KCNB2: variants seen among roughly 807,000 people sequenced by gnomAD.
KCNB2 encodes delayed rectifier potassium channel protein.
A neutral mutation model predicts 61.5 loss-of-function variants in KCNB2; 15 were observed. That is an observed-to-expected ratio of 0.24 (90% CI 0.16 to 0.38). KCNB2 has a LOEUF of 0.38. Among genes scored for constraint, KCNB2 ranks in the 10% least tolerant of loss-of-function variants. KCNB2 has a pLI of 1.00. For synonymous variants in KCNB2, 457 were observed against 446.0 expected (o/e 1.02, Z -0.31); for missense variants, 828 against 1,125.2 (o/e 0.74, Z 3.78).
chr8:72,684,892 T>A (rs764978260), intron 2 of KCNB2, among the ~76,000 whole-genome samples: 3 of 152,220 alleles, frequency 2.0e-5, no homozygotes, highest in Non-Finnish European at 2.9e-5. Context: ...GTGTCAATTT[T>A]ATTGTGCTTC....
chr8:72,836,497 T>G (rs1360508914), intron 2 of KCNB2, among the ~76,000 whole-genome samples: 1 of 152,200 alleles, frequency 6.6e-6, no homozygotes, highest in Admixed American at 6.5e-5. Flanking sequence ...CATGGTTTCC[T>G]AGAAATGTAA....
At position 72,935,976 on chromosome 8, in the gene KCNB2, C is replaced by G; in HGVS notation, c.621C>G (p.Thr207=). The G allele has an allele frequency of 1.2e-6, 2 of 1,614,138 alleles. No individual in the cohort carries two copies. Among genetic ancestry groups the G allele is most frequent in the Non-Finnish European group, 1.7e-6 (2 of 1,180,002 alleles). The change falls in exon 3 of 3, where the codon ACC becomes ACG. Residue 207 remains threonine, a synonymous_variant. Transcript: ENST00000523207. ...CTATCCTGTTCATTGTGCTTTCCAC[C>G]ATTGCTTTGTCTCTCAATACGCTGC... ...IVSILFIVLS[T]IALSLNTLPE...
intron 2 of KCNB2, among the ~76,000 whole-genome samples, chr8:72,580,164 C>A (rs13256953): frequency 1.3e-5 from 2 of 151,982 alleles, no homozygotes; most frequent in Non-Finnish European, 1.5e-5. Flanking sequence ...AAAGCAACCA[C>A]GGGCACTATG....
At chr8:72,625,179 G>C (rs751062148) in intron 2 of KCNB2, among the ~76,000 whole-genome samples, 1 of 152,134 alleles carries the variant, frequency 6.6e-6, no homozygotes, top group Non-Finnish European at 1.5e-5. Context: ...TTAAGTCACT[G>C]AGTTTGTGGT....
At chr8:72,697,705 A>T (rs1285864924) in intron 2 of KCNB2, among the ~76,000 whole-genome samples, 1 of 152,126 alleles carries the variant, frequency 6.6e-6, no homozygotes, top group Non-Finnish European at 1.5e-5. Context: ...CAGAAAATTC[A>T]ATTTCAGAGA....
chr8:72,889,661 C>T (rs1401773090), intron 2 of KCNB2, among the ~76,000 whole-genome samples: 14 of 151,908 alleles, frequency 9.2e-5, no homozygotes, highest in East Asian at 3.9e-4. Flanking sequence ...CACTCCAGCC[C>T]GGGCAAGACA....
chr8:72,918,168 G>A (rs1157659683), intron 2 of KCNB2, among the ~76,000 whole-genome samples: 1 of 152,056 alleles, frequency 6.6e-6, no homozygotes, highest in Non-Finnish European at 1.5e-5. Flanking sequence ...CAAATCTGTG[G>A]TACCTGACAA....
At position 72,760,168 on chromosome 8, in the gene KCNB2, A is replaced by G. The variant is rs190995970; in HGVS notation, c.580-175767A>G. Among the ~76,000 whole-genome samples, 315 of 152,342 alleles carry G rather than the reference A, an allele frequency of 2.1e-3. 2 individuals carry two copies. Among genetic ancestry groups the G allele is most frequent in the African/African-American group, 7.3e-3 (305 of 41,584 alleles). On this transcript the variant is annotated intron_variant, in intron 2 of 2. Transcript: ENST00000523207. ...ATGGAAAGTCTACAGATTTGGAGCC[A>G]GATCAACCAAGGTGAACCTCAGCCT... is the stretch of plus-strand genomic sequence containing the variant.
intron 2 of KCNB2, among the ~76,000 whole-genome samples, chr8:72,809,587 A>G (rs1369873135): frequency 6.6e-6 from 1 of 152,176 alleles, no homozygotes; most frequent in African/African-American, 2.4e-5. Flanking sequence ...AGAGAAATAC[A>G]TCTTTAAAAC....
intron 2 of KCNB2, among the ~76,000 whole-genome samples, chr8:72,801,412 C>G (rs1809123727): frequency 6.6e-6 from 1 of 152,204 alleles, no homozygotes; most frequent in Non-Finnish European, 1.5e-5. Context: ...ATATTGTACC[C>G]ATTGTAGTTC....
chr8:72,587,184 G>A (rs1207231763), intron 2 of KCNB2, among the ~76,000 whole-genome samples: 3 of 152,072 alleles, frequency 2.0e-5, no homozygotes, highest in Non-Finnish European at 2.9e-5. Flanking sequence ...TCATCAAAGC[G>A]TGGCTGCTTC....
intron 2 of KCNB2, among the ~76,000 whole-genome samples, chr8:72,587,777 C>G (rs1454615521): frequency 6.6e-6 from 1 of 152,032 alleles, no homozygotes; most frequent in East Asian, 1.9e-4. Context: ...AACTCCATAA[C>G]AGGATGAAAC....
At chr8:72,768,035 A>G (rs1232766729) in intron 2 of KCNB2, among the ~76,000 whole-genome samples, 1 of 152,190 alleles carries the variant, frequency 6.6e-6, no homozygotes, top group Non-Finnish European at 1.5e-5. Flanking sequence ...AGTGTATTCA[A>G]ATCCTTTGCT....
At chr8:72,568,564 A>G (rs1011309544) in intron 2 of KCNB2, among the ~76,000 whole-genome samples, 1 of 152,204 alleles carries the variant, frequency 6.6e-6, no homozygotes, top group African/African-American at 2.4e-5. Context: ...AGAGGATGAA[A>G]GAGAGTCCTG....
chr8:72,840,507 A>G (rs1224122155), intron 2 of KCNB2, among the ~76,000 whole-genome samples: 1 of 152,226 alleles, frequency 6.6e-6, no homozygotes, highest in Non-Finnish European at 1.5e-5. Flanking sequence ...TGGTTGAACG[A>G]ATTTACTCTC....
At chr8:72,573,308 A>G (rs573940338) in intron 2 of KCNB2, among the ~76,000 whole-genome samples, 2 of 152,354 alleles carry the variant, frequency 1.3e-5, no homozygotes, top group African/African-American at 4.8e-5. Context: ...AGAATCATAA[A>G]TGATTTTCTT....
chr8:72,625,058 A>C (rs7002350), intron 2 of KCNB2, among the ~76,000 whole-genome samples: 2,243 of 152,318 alleles, frequency 0.015, 43 homozygotes, highest in African/African-American at 0.052. Flanking sequence ...CCCCAGCACC[A>C]ACCAACAGAC....
At chr8:72,567,178 A>G (rs1806637142) in intron 1 of KCNB2, among the ~76,000 whole-genome samples, 1 of 151,920 alleles carries the variant, frequency 6.6e-6, no homozygotes, top group Non-Finnish European at 1.5e-5. Context: ...AGAATTAGCC[A>G]GGTGTGGTGG....
At chr8:72,659,177 A>C (rs1465858611) in intron 2 of KCNB2, among the ~76,000 whole-genome samples, 3 of 152,226 alleles carry the variant, frequency 2.0e-5, no homozygotes, top group Non-Finnish European at 4.4e-5. Flanking sequence ...AGGAATATTC[A>C]TGATTCACCG....
Sources: allele counts gnomAD v4.1 joint callset (sites outside exome capture counted in the v4.1 genomes callset), GRCh38; gene constraint gnomAD v4.1.1; transcripts MANE v1.5; gene names NCBI Gene and HGNC (gene_info 2026-07-23, HGNC 2026-07-21).